The following PC variants were observed in gnomAD, a reference collection of about 807,000 sequenced individuals.
PC encodes the protein pyruvate carboxylase, mitochondrial.
A neutral mutation model predicts 107.8 loss-of-function variants in PC; 46 were observed. The observed-to-expected ratio is 0.43, with a 90% CI of 0.34 to 0.55. PC has a LOEUF of 0.55. Ranked by LOEUF, PC falls within the 20% of genes least tolerant of loss-of-function variation. The probability of loss-of-function intolerance (pLI) is 0.04; values close to 1 mark genes in which losing one functional copy is unlikely to be tolerated. For synonymous variants in PC, 662 were observed against 684.7 expected (o/e 0.97, Z 0.52); for missense variants, 1,241 against 1,643.1 (o/e 0.76, Z 4.23).
chr11:66,921,932 A>G (rs973195892), intron 3 of PC, among the ~76,000 whole-genome samples: 1 of 152,212 alleles, frequency 6.6e-6, no homozygotes, highest in African/African-American at 2.4e-5. Context: ...CTGACTGTCA[A>G]GGATCTACAA....
chr11:66,854,585 C>G (rs748973942), intron 12 of PC, among the ~76,000 whole-genome samples: 2 of 152,198 alleles, frequency 1.3e-5, no homozygotes, highest in African/African-American at 2.4e-5. Context: ...GACAGGTGCT[C>G]CAAGACCTGT....
At chr11:66,935,710 G>C (rs1330978917) in intron 3 of PC, among the ~76,000 whole-genome samples, 1 of 152,166 alleles carries the variant, frequency 6.6e-6, no homozygotes, top group Admixed American at 6.5e-5. Flanking sequence ...AGCTGAGAGA[G>C]ACACTGAACC....
Position 66,849,608 on chromosome 11 carries a change from G to T in PC, c.3147+3C>A. The T allele has an allele frequency of 6.2e-7, 1 of 1,614,124 alleles. No individual in the cohort carries two copies. The highest frequency in any genetic ancestry group is 1.1e-5 in the South Asian group (1 of 91,044). On this transcript the variant is annotated splice_donor_region_variant and intron_variant, in intron 21 of 22. Transcript: ENST00000393960. The stretch of plus-strand genomic sequence containing the variant: ...AGTGTGGAGAAGCGCCAGAGCCACT[G>T]ACCTCAAACTCCTCTGCGATCTTGG...
At chr11:66,918,999 G>C (rs1043479575) in intron 3 of PC, among the ~76,000 whole-genome samples, 1 of 152,174 alleles carries the variant, frequency 6.6e-6, no homozygotes, top group Non-Finnish European at 1.5e-5. Flanking sequence ...ATCAACAAGA[G>C]GGTTTCTGGA....
At chr11:66,861,315 C>T (rs927170013) in intron 12 of PC, among the ~76,000 whole-genome samples, 2 of 152,212 alleles carry the variant, frequency 1.3e-5, no homozygotes, top group African/African-American at 4.8e-5. Flanking sequence ...TGCAGAGGGT[C>T]AAGCTCCCCC....
At chr11:66,888,331 A>G (rs1565263462) in intron 3 of PC, among the ~76,000 whole-genome samples, 1 of 152,240 alleles carries the variant, frequency 6.6e-6, no homozygotes, top group African/African-American at 2.4e-5. Context: ...CTACTAATCC[A>G]GTGGGGGTAA....
At chr11:66,922,031 G>A (rs1948609339) in intron 3 of PC, among the ~76,000 whole-genome samples, 1 of 152,144 alleles carries the variant, frequency 6.6e-6, no homozygotes, top group African/African-American at 2.4e-5. Context: ...GCTTGTGAAT[G>A]AGGGTAGGGG....
chr11:66,927,756 C>A (rs925327524), intron 3 of PC, among the ~76,000 whole-genome samples: 1 of 151,226 alleles, frequency 6.6e-6, no homozygotes, highest in Admixed American at 6.6e-5. Context: ...ATCTGGGATG[C>A]CAACTTTGGG....
chr11:66,918,813 C>T (rs1333136050), intron 3 of PC, among the ~76,000 whole-genome samples: 2 of 152,142 alleles, frequency 1.3e-5, no homozygotes, highest in Admixed American at 6.5e-5. Context: ...AATAGTCTTC[C>T]CACTCTGGCC....
chr11:66,881,909 G>C (rs571745341), intron 3 of PC, among the ~76,000 whole-genome samples: 2 of 152,336 alleles, frequency 1.3e-5, no homozygotes, highest in South Asian at 4.1e-4. Context: ...AAAGGAGTAA[G>C]TCACGGCTTT....
chr11:66,909,333 C>G (rs1366427030), intron 3 of PC, among the ~76,000 whole-genome samples: 1 of 152,234 alleles, frequency 6.6e-6, no homozygotes, highest in East Asian at 1.9e-4. Context: ...TTCACAGTGA[C>G]TTGCCCAAGG....
intron 3 of PC, among the ~76,000 whole-genome samples, chr11:66,937,646 C>G (rs1949031461): frequency 6.6e-6 from 1 of 152,032 alleles, no homozygotes; most frequent in Non-Finnish European, 1.5e-5. Flanking sequence ...TTTTCATTAG[C>G]CTGAAAAATC....
chr11:66,954,224 T>A (rs926488644), intron 2 of PC, 25 bp downstream of exon 2: 1 of 152,194 alleles, frequency 6.6e-6, no homozygotes, highest in Non-Finnish European at 1.5e-5. Flanking sequence ...AATCTCACTA[T>A]GGGGGCTGAC....
chr11:66,911,909 G>A (rs117760610), intron 3 of PC, among the ~76,000 whole-genome samples: 8,746 of 151,930 alleles, frequency 0.058, 307 homozygotes, highest in Non-Finnish European at 0.087. Context: ...GCACATGCCT[G>A]TAAATTCCAG....
At chr11:66,950,063 T>G (rs1020332382) in intron 3 of PC, among the ~76,000 whole-genome samples, 1 of 152,180 alleles carries the variant, frequency 6.6e-6, no homozygotes, top group Non-Finnish European at 1.5e-5. Context: ...GATTTAATAT[T>G]AATACATTTC....
chr11:66,943,841 G>C (rs938344711), intron 3 of PC, among the ~76,000 whole-genome samples: 1 of 149,490 alleles, frequency 6.7e-6, no homozygotes, highest in African/African-American at 2.5e-5. Context: ...AAAATTAGCC[G>C]GGCGTCGTGG....
At chr11:66,897,382 C>T (rs1382560634) in intron 3 of PC, among the ~76,000 whole-genome samples, 3 of 152,114 alleles carry the variant, frequency 2.0e-5, no homozygotes, top group Non-Finnish European at 4.4e-5. Context: ...ACCAGTCTGG[C>T]CAACATGGCA....
At chr11:66,914,460 G>A (rs959907033) in intron 3 of PC, among the ~76,000 whole-genome samples, 11 of 151,322 alleles carry the variant, frequency 7.3e-5, no homozygotes, top group African/African-American at 2.2e-4. Context: ...GCAGTGAGCC[G>A]AGATGGCGCC....
At chr11:66,928,137 A>G (rs370897562) in intron 3 of PC, among the ~76,000 whole-genome samples, 3 of 152,256 alleles carry the variant, frequency 2.0e-5, no homozygotes, top group African/African-American at 7.2e-5. Context: ...CCTGTAATCC[A>G]GCACTTTGGG....
Sources: gnomAD v4.1 joint callset for allele counts (sites outside exome capture counted in the v4.1 genomes callset) on GRCh38, gnomAD v4.1.1 for gene constraint, MANE v1.5 for transcripts, NCBI Gene and HGNC (gene_info 2026-07-23, HGNC 2026-07-21) for gene names.